The following PTPRD variants were observed in gnomAD, a reference collection of about 807,000 sequenced individuals.
The protein encoded by PTPRD is protein tyrosine phosphatase receptor type D, also known as receptor-type tyrosine-protein phosphatase delta.
Under a neutral mutation model 214.5 loss-of-function variants are expected in PTPRD, and 34 were observed. That is an observed-to-expected ratio of 0.16 (90% CI 0.12 to 0.21). The LOEUF (loss-of-function observed/expected upper bound fraction) is 0.21. Among genes scored for constraint, PTPRD ranks in the 10% least tolerant of loss-of-function variants. The pLI is 1.00. For synonymous variants in PTPRD, 1,128 were observed against 845.7 expected (o/e 1.33, Z -5.79); for missense variants, 2,545 against 2,398.7 (o/e 1.06, Z -1.27).
rs374228727 is a variant in PTPRD at position 9,873,346 on chromosome 9, T to A, written c.-368+65161A>T. Among the ~76,000 whole-genome samples, 7 of 152,242 alleles carry A rather than the reference T, an allele frequency of 4.6e-5. No individual in the cohort carries two copies. In the East Asian group the frequency reaches 1.3e-3, roughly 29 times the overall value. ...TCTCCTTCCTATTTTATCAAAGGAA[T>A]AATTAAGAATGAAATAATCCTTAAA... On this transcript the variant is annotated intron_variant, in intron 5 of 45. Coordinates refer to ENST00000381196, the MANE Select transcript of PTPRD (RefSeq NM_002839.4).
chr9:10,200,510 C>T lies in PTPRD; in HGVS notation c.-545+140453G>A, dbSNP rs534451260. On this transcript the variant is annotated intron_variant, in intron 3 of 45. Coordinates refer to ENST00000381196, the MANE Select transcript of PTPRD (RefSeq NM_002839.4). Reference sequence around the variant, plus strand: ...AAATATTAATAGTGCAGTTGAAAAACGAAATGCTAGATGTTTACATCATTT... The same window carrying T: ...AAATATTAATAGTGCAGTTGAAAAATGAAATGCTAGATGTTTACATCATTT... 4.6e-5 allele frequency among the ~76,000 whole-genome samples: 7 copies of T among 152,148 alleles called. No homozygotes were observed. In the South Asian group the frequency reaches 1.5e-3, roughly 32 times the overall value.
At position 9,900,641 on chromosome 9, in the gene PTPRD, G is replaced by GTGTTTTTTTTTTTT. The variant is rs1555302232; in HGVS notation, c.-368+37865_-368+37866insAAAAAAAAAAAACA. Among the ~76,000 whole-genome samples the GTGTTTTTTTTTTTT allele has an allele frequency of 7.3e-4, 88 of 120,082 alleles. 2 individuals are homozygous for GTGTTTTTTTTTTTT. The highest frequency in any genetic ancestry group is 2.7e-3 in the African/African-American group (85 of 32,072). The allele number at this position is 120,082 out of a possible 152,430, so 78.8% of individuals were successfully genotyped here. ...TCCAAAGGTGCTTCCACATTTTCAGGTTTTTTTTTTTTTTGAGATGGAGTC... is the reference window on the plus strand; with the variant it reads ...TCCAAAGGTGCTTCCACATTTTCAGGTGTTTTTTTTTTTTTTTTTTTTTTTTTTGAGATGGAGTC... On this transcript the variant is annotated intron_variant, in intron 5 of 45. Coordinates refer to ENST00000381196, the MANE Select transcript of PTPRD (RefSeq NM_002839.4).
In PTPRD at chr9:10,022,747, G is replaced by C. The variant is rs866241753; in HGVS notation, c.-472+10971C>G. 4.6e-5 allele frequency among the ~76,000 whole-genome samples: 7 copies of C among 152,162 alleles called. No homozygotes were observed. The South Asian group carries it at 8.3e-4, about 18-fold the overall frequency. On this transcript the variant is annotated intron_variant, in intron 4 of 45. Transcript: ENST00000381196. ...TGACTAAGTTTTATTTTAGCCACTA[G>C]AATGAATAAAATGCTATAAAGGGGA... is the stretch of plus-strand genomic sequence containing the variant.
At chr9:9,216,942 T>G (rs1176701071) in intron 9 of PTPRD, among the ~76,000 whole-genome samples, 1 of 152,298 alleles carries the variant, frequency 6.6e-6, no homozygotes, top group East Asian at 1.9e-4. Context: ...TTTTTTCTAT[T>G]ATTTCCCACA....
intron 10 of PTPRD, among the ~76,000 whole-genome samples, chr9:9,131,863 A>C (rs922747995): frequency 3.3e-5 from 5 of 150,794 alleles, no homozygotes; most frequent in Non-Finnish European, 7.4e-5. Context: ...TAAAATTTTT[A>C]AAATTTGGCA....
chr9:9,322,809 C>T (rs1007602803), intron 9 of PTPRD, among the ~76,000 whole-genome samples: 3 of 152,082 alleles, frequency 2.0e-5, no homozygotes, highest in Non-Finnish European at 4.4e-5. Context: ...ACAGGTACTA[C>T]TATACTGGCA....
At chr9:8,434,967 G>A (rs962529869) in intron 35 of PTPRD, among the ~76,000 whole-genome samples, 3 of 152,174 alleles carry the variant, frequency 2.0e-5, no homozygotes, top group Non-Finnish European at 2.9e-5. Context: ...GTGCAATCCG[G>A]TGTGAATTTT....
At chr9:10,246,076 C>G (rs1233648584) in intron 3 of PTPRD, among the ~76,000 whole-genome samples, 1 of 151,814 alleles carries the variant, frequency 6.6e-6, no homozygotes, top group East Asian at 1.9e-4. Context: ...CTTTTTAAAC[C>G]CTCTAGCAAT....
At chr9:9,543,328 C>T (rs990901397) in intron 8 of PTPRD, among the ~76,000 whole-genome samples, 6 of 151,610 alleles carry the variant, frequency 4.0e-5, no homozygotes, top group Non-Finnish European at 7.4e-5. Flanking sequence ...TAGAAATTTG[C>T]ACAAGGCTAC....
rs138263952 is a variant in PTPRD, at chr9:9,638,368, A to G, written c.-286-63587T>C. Among the ~76,000 whole-genome samples, 10 of 152,280 alleles carry G rather than the reference A, an allele frequency of 6.6e-5. No homozygotes were observed. In the East Asian group the frequency reaches 1.9e-3, roughly 29 times the overall value. Reference sequence around the variant, plus strand: ...CACTCTTAAGTTCTGCCTTCCACAAAGTCCTAGGGCATGGATATAATTCAT... The same window carrying G: ...CACTCTTAAGTTCTGCCTTCCACAAGGTCCTAGGGCATGGATATAATTCAT... On this transcript the variant is annotated intron_variant, in intron 7 of 45. Transcript: ENST00000381196.
At chr9:8,761,595 C>T (rs1000192942) in intron 11 of PTPRD, among the ~76,000 whole-genome samples, 2 of 152,158 alleles carry the variant, frequency 1.3e-5, no homozygotes, top group Non-Finnish European at 2.9e-5. Flanking sequence ...AACTAAAATA[C>T]ATCAAATGTG....
chr9:9,193,134 G>A (rs2099936256), intron 9 of PTPRD, among the ~76,000 whole-genome samples: 1 of 152,088 alleles, frequency 6.6e-6, no homozygotes, highest in South Asian at 2.1e-4. Flanking sequence ...ATAAAAATGA[G>A]TGACCAGCTT....
intron 4 of PTPRD, among the ~76,000 whole-genome samples, chr9:9,985,684 T>A (rs1163576233): frequency 1.3e-5 from 2 of 152,030 alleles, no homozygotes; most frequent in Non-Finnish European, 2.9e-5. Flanking sequence ...ATTATATTTT[T>A]AAAATATTAT....
chr9:8,376,196 C>T, intron 38 of PTPRD, 106 bp from the exon 39 acceptor site: 2 of 1,301,540 alleles, frequency 1.5e-6, no homozygotes, highest in Non-Finnish European at 1.1e-6. Flanking sequence ...TAATTCCTTT[C>T]TACCACCCTG....
chr9:9,935,954 C>G lies in PTPRD; in HGVS notation c.-368+2553G>C, dbSNP rs887270011. Among the ~76,000 whole-genome samples the G allele has an allele frequency of 2.2e-4, 34 of 151,384 alleles. No homozygotes were observed. In the East Asian group the frequency reaches 5.8e-3, roughly 26 times the overall value. ...CTACAACTATCTGATCTTTGACAAA[C>G]CTGACCAAAACAAGCAATGGGGAAA... On this transcript the variant is annotated intron_variant, in intron 5 of 45. Transcript: ENST00000381196.
At chr9:8,499,097 A>G (rs2097340130) in intron 25 of PTPRD, among the ~76,000 whole-genome samples, 1 of 152,156 alleles carries the variant, frequency 6.6e-6, no homozygotes, top group African/African-American at 2.4e-5. Flanking sequence ...TTAATTTTTA[A>G]TATCATTGTA....
At chr9:9,182,963 T>A (rs2099929114) in intron 10 of PTPRD, among the ~76,000 whole-genome samples, 1 of 151,936 alleles carries the variant, frequency 6.6e-6, no homozygotes, top group Non-Finnish European at 1.5e-5. Flanking sequence ...CTAAATTCAA[T>A]CAACATTTAA....
chr9:10,547,597 A>C (rs965860029), intron 2 of PTPRD, among the ~76,000 whole-genome samples: 2 of 152,036 alleles, frequency 1.3e-5, no homozygotes, highest in African/African-American at 2.4e-5. Context: ...ATATATTTAT[A>C]GTATATGCTT....
rs1488954871 is a variant in PTPRD at position 9,236,257 on chromosome 9, A to G, written c.-202-52894T>C. On this transcript the variant is annotated intron_variant, in intron 9 of 45. Coordinates refer to ENST00000381196, the MANE Select transcript of PTPRD (RefSeq NM_002839.4). ...AACAAGAACAAAACCCCATCCCAAAATAAATAAATAAATACACAAATAAGG... is the reference window on the plus strand; with the variant it reads ...AACAAGAACAAAACCCCATCCCAAAGTAAATAAATAAATACACAAATAAGG... Among the ~76,000 whole-genome samples the G allele has an allele frequency of 6.6e-5, 10 of 152,284 alleles. No homozygotes were observed. The South Asian group carries it at 8.3e-4, about 13-fold the overall frequency.
Sources: gnomAD v4.1 joint callset for allele counts (sites outside exome capture counted in the v4.1 genomes callset) on GRCh38, gnomAD v4.1.1 for gene constraint, MANE v1.5 for transcripts, NCBI Gene and HGNC (gene_info 2026-07-23, HGNC 2026-07-21) for gene names.